Variants in FMO2 observed in about 807,000 individuals in gnomAD.
FMO2 encodes the protein flavin containing dimethylaniline monoxygenase 2, also known as flavin-containing monooxygenase 2.
FMO2 carries 33 observed loss-of-function variants against 41.6 expected under a neutral mutation model. The observed-to-expected ratio is 0.79, with a 90% CI of 0.60 to 1.06. The LOEUF is 1.06. FMO2 is among the 50% of genes least tolerant of loss of function. The pLI is 0.00. For missense variants in FMO2, 619 were observed against 632.9 expected, an observed-to-expected ratio of 0.98 and a Z score of 0.23; for synonymous variants, 214 against 219.6, an observed-to-expected ratio of 0.97 and a Z score of 0.23.
chr1:171,200,671 G>A (rs1658499971), intron 5 of FMO2, among the ~76,000 whole-genome samples: 1 of 152,152 alleles, frequency 6.6e-6, no homozygotes, highest in South Asian at 2.1e-4. Flanking sequence ...GCCAGCCCGG[G>A]AACAGAGCAG....
intron 2 of FMO2, chr1:171,188,894 A>G (rs1657963490): frequency 6.6e-6 from 1 of 152,028 alleles, no homozygotes; most frequent in Admixed American, 6.6e-5. Context: ...ATTAGCATAT[A>G]TTTTTCGTTC....
rs1284290701 is a variant in FMO2 at position 171,189,644 on chromosome 1, C to T, written c.133-3691C>T. Among the ~76,000 whole-genome samples the T allele has an allele frequency of 3.0e-5, 4 of 132,200 alleles. No individual in the cohort carries two copies. In the South Asian group the frequency reaches 8.1e-4, roughly 27 times the overall value. 86.7% of individuals were successfully genotyped at this position (132,200 alleles called of 152,430 possible). ...CTTCTAAAATACAGAAATCTGAGCC[C>T]GTCTTTTTTCTTTTCTTTTTTTTTT... On this transcript the variant is annotated intron_variant, in intron 2 of 8. Coordinates refer to ENST00000209929, the MANE Select transcript of FMO2 (RefSeq NM_001460.5).
intron 4 of FMO2, among the ~76,000 whole-genome samples, chr1:171,198,704 C>T (rs1234111544): frequency 2.0e-5 from 3 of 151,898 alleles, no homozygotes; most frequent in African/African-American, 4.8e-5. Context: ...AGCCACCACA[C>T]CTTGCCTAAT....
At chr1:171,199,230 A>G (rs1368284785) in intron 4 of FMO2, 116 bp from the exon 5 acceptor site, 18 of 1,030,248 alleles carry the variant, frequency 1.7e-5, no homozygotes, top group Non-Finnish European at 2.5e-5. Flanking sequence ...CCTATAGAGA[A>G]GAGGCAAAAC....
intron 2 of FMO2, among the ~76,000 whole-genome samples, chr1:171,186,603 T>C (rs914793020): frequency 4.6e-5 from 7 of 152,140 alleles, no homozygotes; most frequent in African/African-American, 1.7e-4. Context: ...GAGAACAGCA[T>C]GAGGGTAGCT....
rs184768578 is a variant in FMO2 at position 171,209,281 on chromosome 1, A to G, written c.*136A>G. On this transcript the variant is annotated 3_prime_UTR_variant, in exon 9 of 9. Transcript: ENST00000209929. ...GTTAGGTAGTACAGGTAAGGGGGAAATTGTAAAGAATTAGCAGAATTAGGC... is the reference window on the plus strand; with the variant it reads ...GTTAGGTAGTACAGGTAAGGGGGAAGTTGTAAAGAATTAGCAGAATTAGGC... The G allele has an allele frequency of 2.2e-3, 885 of 399,048 alleles. 5 individuals are homozygous for G. The highest frequency in any genetic ancestry group is 0.017 in the East Asian group (469 of 28,054). 24.7% of individuals were successfully genotyped at this position (399,048 alleles called of 1,614,324 possible). A position where few individuals can be genotyped will look rare whatever the true frequency, so the allele number is the denominator to read the frequency against.
At chr1:171,195,167 G>A (rs7518899) in intron 3 of FMO2, among the ~76,000 whole-genome samples, 60,451 of 152,022 alleles carry the variant, frequency 0.4, 12,806 homozygotes, top group East Asian at 0.55. Flanking sequence ...AAGAGGGGTT[G>A]GGAAGAAAGG....
At chr1:171,204,117 T>C (rs1189776258) in intron 6 of FMO2, 53 bp downstream of exon 6, 1 of 1,302,822 alleles carries the variant, frequency 7.7e-7, no homozygotes, top group East Asian at 2.3e-5. Flanking sequence ...CAAAGTTGTC[T>C]GAAGGTGTCT....
At position 171,203,865 on chromosome 1, in the gene FMO2, G is replaced by A. The variant is rs759984249; in HGVS notation, c.628G>A (p.Val210Ile). The A allele has an allele frequency of 6.2e-7, 1 of 1,613,208 alleles. No individual in the cohort carries two copies. The highest frequency in any genetic ancestry group is 1.1e-5 in the South Asian group (1 of 91,046). ...AVELSKNAAQ[V>I]FISTRHGTWV... ...AACTGCATTTCTTTTTGCTTGCCAG[G>A]TTTTTATCAGCACCAGGCATGGCAC... Residue 210 changes from valine (V) to isoleucine (I), a missense_variant and splice_region_variant, in exon 6 of 9, where the codon GTT becomes ATT. By Grantham distance (29) the Val-to-Ile change is conservative. Coordinates refer to ENST00000209929, the MANE Select transcript of FMO2 (RefSeq NM_001460.5).
intron 2 of FMO2, among the ~76,000 whole-genome samples, chr1:171,191,101 T>C (rs1452803628): frequency 6.6e-6 from 1 of 151,314 alleles, no homozygotes; most frequent in East Asian, 1.9e-4. Context: ...GCCGAGATCA[T>C]GACATTGCAC....
chr1:171,194,769 A>G (rs1317373443), intron 3 of FMO2, among the ~76,000 whole-genome samples: 5 of 151,520 alleles, frequency 3.3e-5, no homozygotes, highest in Non-Finnish European at 7.4e-5. Context: ...AAAGTAAATA[A>G]CTAACATTTC....
intron 2 of FMO2, chr1:171,186,342 TTATTC>T (rs1657848635): frequency 2.0e-5 from 3 of 153,110 alleles, no homozygotes; most frequent in Admixed American, 6.5e-5. Flanking sequence ...TTTATTAAAT[TTATTC>T]TATTAATCAA....
chr1:171,194,394 A>G (rs552291731), intron 3 of FMO2, among the ~76,000 whole-genome samples: 1 of 152,360 alleles, frequency 6.6e-6, no homozygotes, highest in South Asian at 2.1e-4. Flanking sequence ...ATTTTAATTA[A>G]GCATGCTGAA....
chr1:171,193,118 C>G (rs1005355333), intron 2 of FMO2, among the ~76,000 whole-genome samples: 2 of 152,112 alleles, frequency 1.3e-5, no homozygotes, highest in Non-Finnish European at 2.9e-5. Flanking sequence ...CAATATTACC[C>G]CTACCCCTCA....
At chr1:171,202,539 A>G (rs1658576895) in intron 5 of FMO2, among the ~76,000 whole-genome samples, 1 of 152,216 alleles carries the variant, frequency 6.6e-6, no homozygotes, top group Non-Finnish European at 1.5e-5. Context: ...AGCAGTACTT[A>G]TCACTTGCCA....
At position 171,196,077 on chromosome 1, in the gene FMO2, CAGAG is replaced by C. The variant is rs1001634144; in HGVS notation, c.322-568_322-565del. Among the ~76,000 whole-genome samples, 67 of 152,174 alleles carry C rather than the reference CAGAG, an allele frequency of 4.4e-4. 1 individual carries two copies. Among genetic ancestry groups the C allele is most frequent in the African/African-American group, 1.5e-3 (63 of 41,508 alleles). On this transcript the variant is annotated intron_variant, in intron 3 of 8. Transcript: ENST00000209929. ...CTTGTTCAGATTATCAAATAACAAACAGAGAGAAGTTCTTTAAAAGAAAAGATAT... is the reference window on the plus strand; with the variant it reads ...CTTGTTCAGATTATCAAATAACAAACAGAAGTTCTTTAAAAGAAAAGATAT...
chr1:171,196,733 C>T lies in FMO2; in HGVS notation c.406C>T (p.Gln136Ter), dbSNP rs1279693289. ...KVVTQSNGKEQSAVFDAVMVC... is the reference protein window; with the variant it reads ...KVVTQSNGKE ...TGTCACTCAGAGCAACGGCAAGGAG[C>T]AGAGTGCTGTCTTTGACGCAGTTAT... Residue 136 changes from glutamine (Q) to a stop codon, truncating the protein, a stop_gained, in exon 4 of 9, where the codon CAG (glutamine) becomes TAG (stop). Transcript: ENST00000209929. LOFTEE classifies it high-confidence loss of function. The T allele has an allele frequency of 6.2e-7, 1 of 1,613,594 alleles. No homozygotes were observed. Among genetic ancestry groups the T allele is most frequent in the East Asian group, 2.2e-5 (1 of 44,882 alleles).
intron 2 of FMO2, among the ~76,000 whole-genome samples, chr1:171,189,323 A>G (rs573707139): frequency 3.3e-5 from 5 of 152,252 alleles, no homozygotes; most frequent in African/African-American, 1.2e-4. Context: ...GACATATCTC[A>G]ATCTTGGTTT....
rs530698278 is a variant in FMO2 at position 171,193,189 on chromosome 1, T to A, written c.133-146T>A. The stretch of plus-strand genomic sequence containing the variant: ...GTCACAGAATGATTGATGGAACACA[T>A]AGACTGCATTCATTACCTAAACATT... On this transcript the variant is annotated intron_variant, in intron 2 of 8. Coordinates refer to ENST00000209929, the MANE Select transcript of FMO2 (RefSeq NM_001460.5). 3.7e-4 allele frequency: 223 copies of A among 601,204 alleles called. 2 individuals carry two copies. The highest frequency in any genetic ancestry group is 3.4e-3 in the South Asian group (161 of 46,820). 37.2% of individuals were successfully genotyped at this position (601,204 alleles called of 1,614,324 possible). A position where few individuals can be genotyped will look rare whatever the true frequency, so the allele number is the denominator to read the frequency against.
Sources: allele counts gnomAD v4.1 joint callset (sites outside exome capture counted in the v4.1 genomes callset), GRCh38; gene constraint gnomAD v4.1.1; transcripts MANE v1.5; gene names NCBI Gene and HGNC (gene_info 2026-07-23, HGNC 2026-07-21).